RNF220: variants seen among roughly 807,000 people sequenced by gnomAD.
RNF220 encodes ring finger protein 220.
Under a neutral mutation model 67.1 loss-of-function variants are expected in RNF220, and 7 were observed. The observed-to-expected ratio is 0.10, with a 90% CI of 0.06 to 0.20. The LOEUF (loss-of-function observed/expected upper bound fraction) is 0.20, where lower values mean the gene tolerates loss of function less well. RNF220 is among the 10% of genes least tolerant of loss of function. RNF220 has a pLI of 1.00. For missense variants in RNF220, 565 were observed against 740.3 expected (o/e 0.76, Z 2.75); for synonymous variants, 270 against 283.2 (o/e 0.95, Z 0.47).
intron 2 of RNF220, among the ~76,000 whole-genome samples, chr1:44,476,542 A>G (rs988788135): frequency 6.6e-6 from 1 of 152,148 alleles, no homozygotes; most frequent in African/African-American, 2.4e-5. Flanking sequence ...TTAGGAGAAG[A>G]TCTCCAGGCT....
chr1:44,428,633 G>A (rs1650038313), intron 2 of RNF220, among the ~76,000 whole-genome samples: 1 of 152,090 alleles, frequency 6.6e-6, no homozygotes, highest in Non-Finnish European at 1.5e-5. Flanking sequence ...GTTAACGATG[G>A]ATGCTCACAA....
At chr1:44,566,227 T>G (rs1339266047) in intron 2 of RNF220, among the ~76,000 whole-genome samples, 1 of 152,166 alleles carries the variant, frequency 6.6e-6, no homozygotes, top group East Asian at 1.9e-4. Context: ...AGCCCCTAAC[T>G]GGATTAGCAT....
chr1:44,471,894 T>C (rs1472543403), intron 2 of RNF220, among the ~76,000 whole-genome samples: 1 of 152,210 alleles, frequency 6.6e-6, no homozygotes. Flanking sequence ...CTCCATCTCC[T>C]GGCAACCACT....
At chr1:44,413,631 C>T (rs891999454) in intron 2 of RNF220, among the ~76,000 whole-genome samples, 1 of 152,164 alleles carries the variant, frequency 6.6e-6, no homozygotes, top group Non-Finnish European at 1.5e-5. Context: ...TTTCTTCAAG[C>T]CTGGTGAGAA....
intron 1 of RNF220, among the ~76,000 whole-genome samples, chr1:44,407,086 G>T (rs1287978428): frequency 6.6e-6 from 1 of 152,138 alleles, no homozygotes; most frequent in Non-Finnish European, 1.5e-5. Context: ...CACTGGGTGG[G>T]TGCATGGGGC....
chr1:44,454,701 G>A (rs180925793), intron 2 of RNF220, among the ~76,000 whole-genome samples: 1 of 150,564 alleles, frequency 6.6e-6, no homozygotes, highest in Admixed American at 6.6e-5. Context: ...TTCATATATA[G>A]TAAAAACCCT....
chr1:44,492,852 A>G (rs1265578971), intron 2 of RNF220, among the ~76,000 whole-genome samples: 2 of 152,186 alleles, frequency 1.3e-5, no homozygotes, highest in African/African-American at 4.8e-5. Flanking sequence ...CGGCAAGCCA[A>G]CTGTTTTAAT....
At chr1:44,483,100 T>C (rs1655980927) in intron 2 of RNF220, among the ~76,000 whole-genome samples, 1 of 151,912 alleles carries the variant, frequency 6.6e-6, no homozygotes, top group East Asian at 1.9e-4. Context: ...CTGGCTACTT[T>C]TTCTATGTTT....
intron 5 of RNF220, 73 bp from the exon 6 acceptor site, chr1:44,632,269 GC>G (rs1644166636): frequency 6.2e-7 from 1 of 1,613,702 alleles, no homozygotes; most frequent in African/African-American, 1.3e-5. Context: ...CGGTGCTGGG[GC>G]GGGGGCCAGG....
At chr1:44,627,887 G>T (rs1255678866) in intron 5 of RNF220, among the ~76,000 whole-genome samples, 2 of 152,238 alleles carry the variant, frequency 1.3e-5, no homozygotes, top group African/African-American at 4.8e-5. Flanking sequence ...CTGGCACAGG[G>T]TGCAGAGCTT....
At chr1:44,508,404 T>C (rs377753648) in intron 2 of RNF220, among the ~76,000 whole-genome samples, 1 of 152,246 alleles carries the variant, frequency 6.6e-6, no homozygotes, top group Non-Finnish European at 1.5e-5. Flanking sequence ...GGAAATCTTT[T>C]TCACCTCTCC....
intron 2 of RNF220, among the ~76,000 whole-genome samples, chr1:44,437,929 T>C (rs181286823): frequency 6.6e-6 from 1 of 152,280 alleles, no homozygotes; most frequent in East Asian, 1.9e-4. Context: ...AAGATTGTAA[T>C]ACCTGGCCTC....
In RNF220 at chr1:44,606,372, T is replaced by G. The variant is rs1040048578; in HGVS notation, c.626-7793T>G. Among the ~76,000 whole-genome samples, 1 of 152,206 alleles carries G rather than the reference T, an allele frequency of 6.6e-6. No homozygotes were observed. Among genetic ancestry groups the G allele is most frequent in the African/African-American group, 2.4e-5 (1 of 41,442 alleles). ...ACTCAGCAGAGGCGCCAATCATAGT[T>G]TTAAGAGAAGGAGGAAGGGACTGAG... is the stretch of plus-strand genomic sequence containing the variant. On this transcript the variant is annotated intron_variant, in intron 2 of 14. Coordinates refer to ENST00000361799, the MANE Select transcript of RNF220 (RefSeq NM_018150.4). This position sits in a 1 kb window ranked among gnomAD's most constrained non-coding sequence, Gnocchi z 4.2.
In RNF220 at chr1:44,405,416, G is replaced by C. The variant is rs1647244640; in HGVS notation, c.-232G>C. The C allele has an allele frequency of 1.6e-6, 1 of 636,070 alleles. No homozygotes were observed. The highest frequency in any genetic ancestry group is 2.8e-6 in the Non-Finnish European group (1 of 352,254). 39.4% of individuals were successfully genotyped at this position (636,070 alleles called of 1,614,324 possible). On this transcript the variant is annotated 5_prime_UTR_variant, in exon 1 of 15. Transcript: ENST00000361799. ...TGCTGCCGCTGCCGCCGCCGCCGCCGCCGCTGCCTCCGCCGGCTCTGCGAA... is the reference window on the plus strand; with the variant it reads ...TGCTGCCGCTGCCGCCGCCGCCGCCCCCGCTGCCTCCGCCGGCTCTGCGAA...
chr1:44,562,032 A>T (rs1663610558), intron 2 of RNF220, among the ~76,000 whole-genome samples: 1 of 152,202 alleles, frequency 6.6e-6, no homozygotes, highest in African/African-American at 2.4e-5. Flanking sequence ...TTAAGGAGTT[A>T]GACCCATTCT....
chr1:44,455,298 A>G (rs1244488366), intron 2 of RNF220, among the ~76,000 whole-genome samples: 1 of 152,210 alleles, frequency 6.6e-6, no homozygotes, highest in African/African-American at 2.4e-5. Flanking sequence ...AGGACACCTC[A>G]GTGACAGGAT....
At position 44,412,095 on chromosome 1, in the gene RNF220, C is replaced by A. The variant is rs1433451406; in HGVS notation, c.-3C>A. On this transcript the variant is annotated 5_prime_UTR_variant, in exon 2 of 15. Coordinates refer to ENST00000361799, the MANE Select transcript of RNF220 (RefSeq NM_018150.4). This position sits in a 1 kb window ranked among gnomAD's most constrained non-coding sequence, Gnocchi z 5.3. The stretch of plus-strand genomic sequence containing the variant: ...GTAACGCCGGCCACAGAAAGAGACT[C>A]CGATGGACTTACACCGGGCAGCCTT... 1.9e-6 allele frequency: 3 copies of A among 1,604,040 alleles called. No individual in the cohort carries two copies. Among genetic ancestry groups the A allele is most frequent in the Non-Finnish European group, 2.6e-6 (3 of 1,173,476 alleles).
chr1:44,490,122 C>G (rs2148049872), intron 2 of RNF220, among the ~76,000 whole-genome samples: 1 of 152,090 alleles, frequency 6.6e-6, no homozygotes, highest in East Asian at 1.9e-4. Flanking sequence ...AATATGAAAT[C>G]AACTAGAAAG....
intron 2 of RNF220, among the ~76,000 whole-genome samples, chr1:44,515,965 C>T (rs1052980812): frequency 6.6e-6 from 1 of 152,168 alleles, no homozygotes; most frequent in Non-Finnish European, 1.5e-5. Flanking sequence ...TTGGCTTGCC[C>T]GTCAGTGCGG....
Sources: allele counts gnomAD v4.1 joint callset (sites outside exome capture counted in the v4.1 genomes callset), GRCh38; gene constraint gnomAD v4.1.1; non-coding constraint Gnocchi (gnomAD v3.1); transcripts MANE v1.5; gene names NCBI Gene and HGNC (gene_info 2026-07-23, HGNC 2026-07-21).